Variants in ULK4 observed in about 807,000 individuals in gnomAD.
ULK4 encodes inactive serine/threonine-protein kinase ULK4.
A neutral mutation model predicts 160.6 loss-of-function variants in ULK4; 133 were observed. The observed-to-expected ratio is 0.83, with a 90% CI of 0.72 to 0.96. The LOEUF (loss-of-function observed/expected upper bound fraction) is 0.96. ULK4 is among the 40% of genes least tolerant of loss of function. The probability of loss-of-function intolerance (pLI) is 0.00; values close to 1 mark genes in which losing one functional copy is unlikely to be tolerated. For synonymous variants in ULK4, 534 were observed against 539.8 expected, an observed-to-expected ratio of 0.99 and a Z score of 0.15; for missense variants, 1,580 against 1,499.5, an observed-to-expected ratio of 1.05 and a Z score of -0.89.
intron 21 of ULK4, among the ~76,000 whole-genome samples, chr3:41,765,689 C>T (rs2039139030): frequency 6.6e-6 from 1 of 151,978 alleles, no homozygotes; most frequent in South Asian, 2.1e-4. Context: ...ATTTCTTATA[C>T]TAGAAAGACT....
In ULK4 at chr3:41,341,609, T is replaced by G. The variant is rs367822807; in HGVS notation, c.3678+56470A>C. Among the ~76,000 whole-genome samples the G allele has an allele frequency of 1.5e-4, 22 of 151,338 alleles. No individual in the cohort carries two copies. The East Asian group carries it at 3.8e-3, about 26-fold the overall frequency. Reference sequence around the variant, plus strand: ...GTAGGATGCAGCCAACCTGTAAAGGTAAAGACCAAGGGAAAAGAACAAGAA... The same window carrying G: ...GTAGGATGCAGCCAACCTGTAAAGGGAAAGACCAAGGGAAAAGAACAAGAA... On this transcript the variant is annotated intron_variant, in intron 35 of 36. Coordinates refer to ENST00000301831, the MANE Select transcript of ULK4 (RefSeq NM_017886.4).
At chr3:41,937,986 G>T in intron 3 of ULK4, 112 bp downstream of exon 3, 2 of 720,882 alleles carry the variant, frequency 2.8e-6, no homozygotes, top group South Asian at 3.1e-5. Context: ...AATATCCACA[G>T]AGCAATAGAT....
chr3:41,512,768 A>G (rs933603723), intron 32 of ULK4, among the ~76,000 whole-genome samples: 1 of 152,320 alleles, frequency 6.6e-6, no homozygotes, highest in African/African-American at 2.4e-5. Flanking sequence ...AGAACTAGAA[A>G]AAAACACTCC....
chr3:41,949,325 CACACACACACAA>C (rs1253115340), intron 2 of ULK4, among the ~76,000 whole-genome samples: 1 of 151,852 alleles, frequency 6.6e-6, no homozygotes, highest in Non-Finnish European at 1.5e-5. Flanking sequence ...GACACACACA[CACACACACACAA>C]AAAGTAAAGT....
rs147941057 is a variant in ULK4 at position 41,710,327 on chromosome 3, C to T, written c.2634+4910G>A. Among the ~76,000 whole-genome samples the T allele has an allele frequency of 3.4e-3, 524 of 151,982 alleles. 5 individuals are homozygous for T. Among genetic ancestry groups the T allele is most frequent in the African/African-American group, 0.012 (492 of 41,444 alleles). On this transcript the variant is annotated intron_variant, in intron 25 of 36. Transcript: ENST00000301831. ...GGGAGTAATGAGGTGAGAGTGAGGA[C>T]GGGGTAGTAGGCATTGGAGATTCAA...
At chr3:41,287,164 A>C (rs950078742) in intron 35 of ULK4, among the ~76,000 whole-genome samples, 8 of 152,230 alleles carry the variant, frequency 5.3e-5, no homozygotes, top group African/African-American at 1.9e-4. Context: ...TGGCAAGATC[A>C]GGGTAGGAAC....
At chr3:41,712,189 C>CA (rs1194210078) in intron 25 of ULK4, among the ~76,000 whole-genome samples, 3 of 151,740 alleles carry the variant, frequency 2.0e-5, no homozygotes, top group South Asian at 2.1e-4. Flanking sequence ...ATTTTTGTAC[C>CA]AAAAAAACAA....
At chr3:41,295,007 A>C (rs962127931) in intron 35 of ULK4, among the ~76,000 whole-genome samples, 14 of 152,364 alleles carry the variant, frequency 9.2e-5, no homozygotes, top group African/African-American at 1.2e-4. Context: ...GTATTGAAGA[A>C]GAACAAAGTT....
At chr3:41,426,076 T>C (rs1216948681) in intron 34 of ULK4, among the ~76,000 whole-genome samples, 1 of 152,042 alleles carries the variant, frequency 6.6e-6, no homozygotes, top group Non-Finnish European at 1.5e-5. Flanking sequence ...AATAAAGGGA[T>C]GGAGGAAAAT....
intron 17 of ULK4, among the ~76,000 whole-genome samples, chr3:41,881,371 G>A (rs1169040008): frequency 6.6e-6 from 1 of 150,562 alleles, no homozygotes; most frequent in African/African-American, 2.5e-5. Context: ...CCTGCTTTTG[G>A]AAACTGAAAC....
chr3:41,513,733 A>G (rs921294058), intron 32 of ULK4, among the ~76,000 whole-genome samples: 8 of 152,242 alleles, frequency 5.3e-5, no homozygotes, highest in African/African-American at 1.4e-4. Flanking sequence ...CAAACATTGT[A>G]TGTTCTCACT....
intron 30 of ULK4, among the ~76,000 whole-genome samples, chr3:41,655,233 T>C (rs955858830): frequency 5.3e-5 from 8 of 151,642 alleles, no homozygotes; most frequent in East Asian, 1.9e-4. Context: ...TGCAGGGACA[T>C]AGATGAAGCT....
intron 32 of ULK4, among the ~76,000 whole-genome samples, chr3:41,505,449 T>C (rs1431339742): frequency 6.6e-6 from 1 of 152,168 alleles, no homozygotes; most frequent in Non-Finnish European, 1.5e-5. Flanking sequence ...TCTATGAACA[T>C]CCTAATGTTC....
chr3:41,768,691 G>A, intron 21 of ULK4, among the ~76,000 whole-genome samples: 1 of 152,180 alleles, frequency 6.6e-6, no homozygotes, highest in East Asian at 1.9e-4. Context: ...ACAGATTTGT[G>A]AGCAAAATAA....
At chr3:41,628,250 T>A (rs536409082) in intron 30 of ULK4, among the ~76,000 whole-genome samples, 17 of 152,132 alleles carry the variant, frequency 1.1e-4, no homozygotes, top group Admixed American at 3.3e-4. Flanking sequence ...GATAAAAAAT[T>A]TGAAGTTTGT....
chr3:41,773,573 G>T (rs2039486850), intron 21 of ULK4, among the ~76,000 whole-genome samples: 1 of 152,074 alleles, frequency 6.6e-6, no homozygotes, highest in African/African-American at 2.4e-5. Flanking sequence ...AATTAAAGAG[G>T]ATACAAACAA....
intron 17 of ULK4, among the ~76,000 whole-genome samples, chr3:41,846,512 C>G (rs942441528): frequency 6.6e-6 from 1 of 151,998 alleles, no homozygotes; most frequent in Non-Finnish European, 1.5e-5. Context: ...TGTTAAAAAT[C>G]CTAACATTGA....
intron 27 of ULK4, among the ~76,000 whole-genome samples, chr3:41,682,803 A>G (rs898385342): frequency 8.5e-5 from 13 of 152,236 alleles, no homozygotes; most frequent in Non-Finnish European, 1.5e-4. Flanking sequence ...ACTTCCAGTT[A>G]TGTCTAAAGA....
intron 35 of ULK4, among the ~76,000 whole-genome samples, chr3:41,269,961 T>C (rs2079110570): frequency 6.6e-6 from 1 of 152,178 alleles, no homozygotes; most frequent in African/African-American, 2.4e-5. Context: ...CAGTATGAAC[T>C]GACATGTGCG....
Sources: gnomAD v4.1 joint callset for allele counts (sites outside exome capture counted in the v4.1 genomes callset) on GRCh38, gnomAD v4.1.1 for gene constraint, MANE v1.5 for transcripts, NCBI Gene and HGNC (gene_info 2026-07-23, HGNC 2026-07-21) for gene names.